Variants in COL21A1 observed in about 807,000 individuals in gnomAD.
COL21A1 encodes collagen alpha-1(XXI) chain.
A neutral mutation model predicts 137.9 loss-of-function variants in COL21A1; 149 were observed. The observed-to-expected ratio is 1.08, with a 90% CI of 0.95 to 1.24. The LOEUF (loss-of-function observed/expected upper bound fraction) is 1.24. COL21A1 is among the 50% of genes most tolerant of loss of function. The probability of loss-of-function intolerance (pLI) is 0.00; values close to 1 mark genes in which losing one functional copy is unlikely to be tolerated. For missense variants in COL21A1, 1,167 were observed against 1,158.4 expected, an observed-to-expected ratio of 1.01 and a Z score of -0.11; for synonymous variants, 456 against 391.5, an observed-to-expected ratio of 1.16 and a Z score of -1.95.
At position 56,229,491 on chromosome 6, in the gene COL21A1, T is replaced by C. The variant is rs141305209; in HGVS notation, c.-39+17896A>G. Among the ~76,000 whole-genome samples the C allele has an allele frequency of 6.5e-4, 99 of 152,130 alleles. 1 individual carries two copies. In the East Asian group the frequency reaches 0.013, roughly 20 times the overall value. On this transcript the variant is annotated intron_variant, in intron 1 of 29. Coordinates refer to ENST00000244728, the MANE Select transcript of COL21A1 (RefSeq NM_030820.4). ...TCTGCTCCACCAGCAAAACACATAA[T>C]TGAATTATCGTACACTAACCACAAG...
chr6:56,251,193 G>T (rs1460304323), upstream of COL21A1, among the ~76,000 whole-genome samples: 1 of 152,066 alleles, frequency 6.6e-6, no homozygotes, highest in Non-Finnish European at 1.5e-5. Context: ...GATTCTTCAG[G>T]GCTCCTCAAT....
At chr6:56,276,620 T>C (rs1763662500) in intron 1 of COL21A1, 2 of 1,438,524 alleles carry the variant, frequency 1.4e-6, no homozygotes, top group Non-Finnish European at 2.0e-6. Flanking sequence ...CAGAAGTTTA[T>C]ATTTCTCAAA....
At chr6:56,204,484 G>C (rs774339115) in intron 1 of COL21A1, among the ~76,000 whole-genome samples, 1 of 152,112 alleles carries the variant, frequency 6.6e-6, no homozygotes, top group East Asian at 1.9e-4. Flanking sequence ...CCCCAGCCAG[G>C]GTCTGATAAG....
At chr6:56,251,975 G>A (rs56945268), upstream of COL21A1, among the ~76,000 whole-genome samples, 857 of 152,338 alleles carry the variant, frequency 5.6e-3, 8 homozygotes, top group African/African-American at 0.02. Flanking sequence ...TCAGGAGACA[G>A]AGAATTTGGC....
chr6:56,199,681 G>A (rs1779247553), intron 1 of COL21A1, among the ~76,000 whole-genome samples: 1 of 152,164 alleles, frequency 6.6e-6, no homozygotes, highest in Non-Finnish European at 1.5e-5. Context: ...AGAATGTTGA[G>A]AGAATAAGGC....
At chr6:56,259,061 G>A (rs549795917) in intron 1 of COL21A1, among the ~76,000 whole-genome samples, 5 of 152,208 alleles carry the variant, frequency 3.3e-5, no homozygotes, top group African/African-American at 1.2e-4. Context: ...TATTTTAATA[G>A]GAACACATAG....
At chr6:56,326,009 ATG>A (rs1491528632) in intron 1 of COL21A1, among the ~76,000 whole-genome samples, 2,091 of 4,200 alleles carry the variant, frequency 0.5, 659 homozygotes, top group East Asian at 0.82. Context: ...TACATATATT[ATG>A]TATATGTATA....
At chr6:56,089,009 C>T in intron 17 of COL21A1, among the ~76,000 whole-genome samples, 1 of 152,112 alleles carries the variant, frequency 6.6e-6, no homozygotes, top group East Asian at 1.9e-4. Context: ...TAGTCTCAAA[C>T]TCCTGGGCTT....
chr6:56,372,659 A>C (rs373971552), intron 1 of COL21A1, among the ~76,000 whole-genome samples: 5 of 152,288 alleles, frequency 3.3e-5, no homozygotes, highest in African/African-American at 1.2e-4. Context: ...GAGTGGGGGG[A>C]AAAAAGCTTC....
At position 56,160,278 on chromosome 6, in the gene COL21A1, C is replaced by T. The variant is rs187979999; in HGVS notation, c.1372-3329G>A. Among the ~76,000 whole-genome samples the T allele has an allele frequency of 3.3e-5, 5 of 152,324 alleles. No homozygotes were observed. The East Asian group carries it at 7.7e-4, about 23-fold the overall frequency. On this transcript the variant is annotated intron_variant, in intron 9 of 29. Coordinates refer to ENST00000244728, the MANE Select transcript of COL21A1 (RefSeq NM_030820.4). ...AACAGATTTGCATATATTGAGTTAG[C>T]GAATTCTCGTAATAATCCTATGAAG...
chr6:56,241,174 C>T (rs1403555973), intron 1 of COL21A1, among the ~76,000 whole-genome samples: 1 of 152,134 alleles, frequency 6.6e-6, no homozygotes, highest in Non-Finnish European at 1.5e-5. Context: ...GAACGCAAGG[C>T]CTTTCGGAGG....
intron 23 of COL21A1, 94 bp downstream of exon 23, chr6:56,067,201 T>C: frequency 3.9e-6 from 4 of 1,029,058 alleles, no homozygotes; most frequent in South Asian, 1.7e-5. Context: ...TTTATATTAA[T>C]GTTGAAACAG....
chr6:56,346,921 G>C (rs1044157450), intron 1 of COL21A1, among the ~76,000 whole-genome samples: 3 of 152,058 alleles, frequency 2.0e-5, no homozygotes, highest in Non-Finnish European at 2.9e-5. Context: ...CTGGTCTCTT[G>C]GGTGTCATGA....
At chr6:56,288,145 G>A (rs9464371) in intron 1 of COL21A1, among the ~76,000 whole-genome samples, 41,777 of 151,644 alleles carry the variant, frequency 0.28, 6,122 homozygotes, top group Non-Finnish European at 0.31. Flanking sequence ...ACAGGTCCCC[G>A]TACAAACATT....
intron 16 of COL21A1, among the ~76,000 whole-genome samples, chr6:56,119,213 T>C (rs1772227246): frequency 6.6e-6 from 1 of 152,060 alleles, no homozygotes; most frequent in Non-Finnish European, 1.5e-5. Flanking sequence ...ATTAAACTGA[T>C]AAATTTGGTA....
intron 1 of COL21A1, among the ~76,000 whole-genome samples, chr6:56,184,848 A>G (rs1399359275): frequency 6.6e-6 from 1 of 152,152 alleles, no homozygotes; most frequent in Non-Finnish European, 1.5e-5. Context: ...AATAAATAGT[A>G]TTTTTCTAGG....
chr6:56,164,534 A>G (rs1194262971), intron 8 of COL21A1, 28 bp from the exon 9 acceptor site: 1 of 1,481,230 alleles, frequency 6.8e-7, no homozygotes, highest in Non-Finnish European at 9.3e-7. Context: ...GAAACAGACA[A>G]CAAGCATGGA....
intron 1 of COL21A1, among the ~76,000 whole-genome samples, chr6:56,353,118 A>G (rs1279421172): frequency 2.6e-5 from 4 of 152,168 alleles, no homozygotes; most frequent in Non-Finnish European, 5.9e-5. Flanking sequence ...ATTATTTGGA[A>G]TTTATCCCAT....
intron 1 of COL21A1, among the ~76,000 whole-genome samples, chr6:56,190,184 A>G (rs1778564663): frequency 6.6e-6 from 1 of 152,174 alleles, no homozygotes; most frequent in South Asian, 2.1e-4. Flanking sequence ...AACAAAATAG[A>G]CAGACTGCTA....
Sources: allele counts gnomAD v4.1 joint callset (sites outside exome capture counted in the v4.1 genomes callset), GRCh38; gene constraint gnomAD v4.1.1; transcripts MANE v1.5; gene names NCBI Gene and HGNC (gene_info 2026-07-23, HGNC 2026-07-21).